Variants in TOGARAM2 observed in about 807,000 individuals in gnomAD.
TOGARAM2 encodes TOG array regulator of axonemal microtubules 2, also known as TOG array regulator of axonemal microtubules protein 2.
TOGARAM2 carries 85 observed loss-of-function variants against 93.3 expected under a neutral mutation model. The ratio of observed to expected loss-of-function variants is 0.91; its 90% CI spans 0.76 to 1.09. The LOEUF is 1.09. TOGARAM2 is among the 50% of genes least tolerant of loss of function. The pLI, the probability that TOGARAM2 is intolerant of heterozygous loss-of-function variation, is 0.00. For missense variants in TOGARAM2, 1,277 were observed against 1,334.5 expected, an observed-to-expected ratio of 0.96 and a Z score of 0.67; for synonymous variants, 593 against 552.8, an observed-to-expected ratio of 1.07 and a Z score of -1.02.
chr2:28,991,890 G>A lies in TOGARAM2; in HGVS notation c.-110-2835G>A, dbSNP rs987627347. On this transcript the variant is annotated intron_variant, in intron 1 of 19. Coordinates refer to ENST00000379558, the MANE Select transcript of TOGARAM2 (RefSeq NM_199280.4). ...GGAGGGGACAACGGTTACTTACCCC[G>A]GGTCGCCCCATTCCCTGGGCTGGGA... is the stretch of plus-strand genomic sequence containing the variant. 3.9e-5 allele frequency among the ~76,000 whole-genome samples: 6 copies of A among 152,198 alleles called. No individual in the cohort carries two copies. In the East Asian group the frequency reaches 5.8e-4, roughly 15 times the overall value.
intron 5 of TOGARAM2, 86 bp downstream of exon 5, chr2:29,002,833 C>T: frequency 1.6e-6 from 2 of 1,275,980 alleles, no homozygotes; most frequent in Non-Finnish European, 2.2e-6. Context: ...CCACCAACCC[C>T]TGACTCCATG....
At position 29,005,208 on chromosome 2, in the gene TOGARAM2, TGG is replaced by T. The variant is rs142130568; in HGVS notation, c.830+1528_830+1529del. Among the ~76,000 whole-genome samples, 35 of 132,758 alleles carry T rather than the reference TGG, an allele frequency of 2.6e-4. 1 individual carries two copies. The highest frequency in any genetic ancestry group is 1.0e-3 in the African/African-American group (34 of 33,072). The allele number at this position is 132,758 out of a possible 152,430, so 87.1% of individuals were successfully genotyped here. A position where few individuals can be genotyped will look rare whatever the true frequency, so the allele number is the denominator to read the frequency against. Reference sequence around the variant, plus strand: ...TGTGCAGTGTGTGTGTGCATGTGTGTGGGTATGTGTGCATGTGTGTATATGTG... The same window carrying T: ...TGTGCAGTGTGTGTGTGCATGTGTGTGTATGTGTGCATGTGTGTATATGTG... On this transcript the variant is annotated intron_variant, in intron 6 of 19. Coordinates refer to ENST00000379558, the MANE Select transcript of TOGARAM2 (RefSeq NM_199280.4).
intron 19 of TOGARAM2, chr2:29,049,939 T>C (rs1359401814): frequency 2.6e-5 from 4 of 152,218 alleles, no homozygotes; most frequent in African/African-American, 9.6e-5. Context: ...GCCCAGGGCA[T>C]CTTCCCTGGT....
chr2:28,981,561 A>C (rs1035625416), intron 1 of TOGARAM2, 23 bp downstream of exon 1: 1 of 152,506 alleles, frequency 6.6e-6, no homozygotes, highest in African/African-American at 2.4e-5. Flanking sequence ...AGGTCCACCA[A>C]GCCATCTATT....
chr2:29,005,470 T>A (rs1288878670), intron 6 of TOGARAM2, among the ~76,000 whole-genome samples: 2 of 47,028 alleles, frequency 4.3e-5, no homozygotes, highest in Non-Finnish European at 1.2e-4. Flanking sequence ...TGTGACTGCA[T>A]GTGTGTGCAT....
intron 1 of TOGARAM2, among the ~76,000 whole-genome samples, chr2:28,964,646 A>G (rs1458005449): frequency 7.8e-6 from 1 of 128,222 alleles, no homozygotes; most frequent in African/African-American, 2.9e-5. Flanking sequence ...CCCCCACCCA[A>G]CCCCCCAGCA....
At chr2:29,004,670 G>A (rs1673520430) in intron 6 of TOGARAM2, among the ~76,000 whole-genome samples, 1 of 152,036 alleles carries the variant, frequency 6.6e-6, no homozygotes, top group South Asian at 2.1e-4. Context: ...GCATGTATAT[G>A]TGAGTATATG....
chr2:29,017,108 T>G, intron 8 of TOGARAM2, 46 bp from the exon 9 acceptor site: 1 of 1,590,120 alleles, frequency 6.3e-7, no homozygotes, highest in Non-Finnish European at 8.6e-7. Context: ...ATGTTGATGA[T>G]TGAATGAATG....
intron 1 of TOGARAM2, among the ~76,000 whole-genome samples, chr2:28,993,439 C>T (rs948435881): frequency 1.3e-5 from 2 of 152,172 alleles, no homozygotes; most frequent in Non-Finnish European, 2.9e-5. Context: ...GAGCCTCTTC[C>T]CTAGCTCAGG....
In TOGARAM2 at chr2:29,033,015, C is replaced by A. The variant is rs369962844; in HGVS notation, c.2094C>A (p.Tyr698Ter). 8.9e-5 allele frequency: 144 copies of A among 1,613,674 alleles called. No individual in the cohort carries two copies. The highest frequency in any genetic ancestry group is 1.2e-4 in the Non-Finnish European group (139 of 1,179,854). Reference protein sequence around the residue: ...DAFLKQSLPSYDLQKVMAAIK... With the variant: ...DAFLKQSLPS ...TTCTGAAGCAATCTCTCCCATCTTA[C>A]GACTTGCAGAAGGTCATGGCGGCCA... The change falls in exon 15 of 20, where the codon TAC becomes TAA. Residue 698 changes from tyrosine (Y) to a stop codon, truncating the protein, a stop_gained. Coordinates refer to ENST00000379558, the MANE Select transcript of TOGARAM2 (RefSeq NM_199280.4). LOFTEE classifies it high-confidence loss of function.
chr2:29,044,399 TA>T (rs530715043), intron 18 of TOGARAM2, among the ~76,000 whole-genome samples: 1 of 152,084 alleles, frequency 6.6e-6, no homozygotes, highest in South Asian at 2.1e-4. Flanking sequence ...CCATTGATGA[TA>T]ATATGTGCTC....
chr2:29,008,255 A>G (rs1164297864), intron 6 of TOGARAM2, among the ~76,000 whole-genome samples: 2 of 150,688 alleles, frequency 1.3e-5, no homozygotes, highest in Non-Finnish European at 3.0e-5. Flanking sequence ...GGTTCAAGCA[A>G]TTCTTCTGTC....
chr2:28,985,867 G>T (rs1672441779), intron 1 of TOGARAM2, among the ~76,000 whole-genome samples: 1 of 152,178 alleles, frequency 6.6e-6, no homozygotes, highest in African/African-American at 2.4e-5. Flanking sequence ...ATTTTGGGAG[G>T]CTGAGGTGGG....
At chr2:29,012,476 C>T (rs1163564900) in intron 7 of TOGARAM2, among the ~76,000 whole-genome samples, 4 of 152,156 alleles carry the variant, frequency 2.6e-5, no homozygotes, top group South Asian at 2.1e-4. Context: ...CGAAATGCAC[C>T]GGCACCCTGA....
intron 19 of TOGARAM2, chr2:29,049,783 C>A (rs1666962132): frequency 6.6e-6 from 1 of 152,190 alleles, no homozygotes; most frequent in East Asian, 1.9e-4. Context: ...AGGTGCAGTC[C>A]TGCCCTTCCA....
chr2:29,002,885 A>T (rs888049927), intron 5 of TOGARAM2, 138 bp downstream of exon 5: 1 of 781,294 alleles, frequency 1.3e-6, no homozygotes, highest in Admixed American at 2.5e-5. Flanking sequence ...TGCAGTGAGG[A>T]TAGGGACAGC....
At chr2:28,973,502 C>T (rs1333558653) in intron 1 of TOGARAM2, among the ~76,000 whole-genome samples, 2 of 142,362 alleles carry the variant, frequency 1.4e-5, no homozygotes, top group Non-Finnish European at 3.1e-5. Flanking sequence ...TCTTCTCCCT[C>T]CCTCCTTCCC....
intron 10 of TOGARAM2, among the ~76,000 whole-genome samples, chr2:29,019,963 C>T (rs1454852104): frequency 6.6e-6 from 1 of 152,240 alleles, no homozygotes; most frequent in Non-Finnish European, 1.5e-5. Flanking sequence ...AAGGATTTCT[C>T]AGCGAGGCAA....
chr2:28,961,508 AT>A (rs1424764328), intron 1 of TOGARAM2, among the ~76,000 whole-genome samples: 1 of 151,670 alleles, frequency 6.6e-6, no homozygotes, highest in Non-Finnish European at 1.5e-5. Context: ...TGCCCGGCTA[AT>A]TTTTGTATTT....
Sources: gnomAD v4.1 joint callset for allele counts (sites outside exome capture counted in the v4.1 genomes callset) on GRCh38, gnomAD v4.1.1 for gene constraint, MANE v1.5 for transcripts, NCBI Gene and HGNC (gene_info 2026-07-23, HGNC 2026-07-21) for gene names.